COL11A1: variants seen among roughly 807,000 people sequenced by gnomAD.
COL11A1 encodes the protein collagen alpha-1(XI) chain.
Under a neutral mutation model 265.2 loss-of-function variants are expected in COL11A1, and 74 were observed. The observed-to-expected ratio is 0.28, with a 90% CI of 0.23 to 0.34. The LOEUF (loss-of-function observed/expected upper bound fraction) is 0.34. Ranked by LOEUF, COL11A1 falls within the 10% of genes least tolerant of loss-of-function variation. COL11A1 has a pLI of 1.00. For missense variants in COL11A1, 2,165 were observed against 2,263.6 expected (o/e 0.96, Z 0.88); for synonymous variants, 816 against 727.6 (o/e 1.12, Z -1.96).
chr1:102,943,561 C>A (rs774390466), intron 42 of COL11A1, among the ~76,000 whole-genome samples: 11 of 151,884 alleles, frequency 7.2e-5, no homozygotes, highest in Non-Finnish European at 1.6e-4. Context: ...TCCATTAAGA[C>A]TTGAGTCCAG....
chr1:102,982,688 C>T (rs1663153647), intron 31 of COL11A1, among the ~76,000 whole-genome samples: 1 of 151,836 alleles, frequency 6.6e-6, no homozygotes, highest in Admixed American at 6.6e-5. Flanking sequence ...TATATTTATC[C>T]CCTGCTACTC....
rs796988997 is a variant in COL11A1 at position 102,954,118 on chromosome 1, A to C, written c.3169-7162T>G. ...TTTGAACTGAAAAGTGAACATTTACATGCTTTTAAAAGGGAAGAATTTACC... is the reference window on the plus strand; with the variant it reads ...TTTGAACTGAAAAGTGAACATTTACCTGCTTTTAAAAGGGAAGAATTTACC... On this transcript the variant is annotated intron_variant, in intron 41 of 66. Transcript: ENST00000370096. 5.3e-5 allele frequency among the ~76,000 whole-genome samples: 8 copies of C among 152,306 alleles called. 1 individual carries two copies. Among genetic ancestry groups the C allele is most frequent in the African/African-American group, 1.9e-4 (8 of 41,574 alleles).
intron 1 of COL11A1, among the ~76,000 whole-genome samples, chr1:103,094,985 A>G (rs1433474576): frequency 2.6e-5 from 4 of 152,046 alleles, no homozygotes; most frequent in Non-Finnish European, 5.9e-5. Context: ...AGCCATCACC[A>G]TGGCTCTCTT....
At chr1:103,105,536 T>C (rs1674625715) in intron 1 of COL11A1, among the ~76,000 whole-genome samples, 1 of 152,152 alleles carries the variant, frequency 6.6e-6, no homozygotes, top group Non-Finnish European at 1.5e-5. Flanking sequence ...TGAACTCAGA[T>C]GTTTTAAGGT....
At chr1:102,961,951 A>G (rs1362356735) in intron 40 of COL11A1, 32 bp from the exon 41 acceptor site, 1 of 1,591,260 alleles carries the variant, frequency 6.3e-7, no homozygotes, top group Non-Finnish European at 8.6e-7. Context: ...AAGAAAATGA[A>G]TCCATATGAA....
chr1:102,879,547 C>T, intron 66 of COL11A1, 136 bp downstream of exon 66: 3 of 756,378 alleles, frequency 4.0e-6, no homozygotes, highest in South Asian at 3.0e-5. Context: ...CATAGTTTAA[C>T]ATGTCAAGAT....
rs1282718778 is a variant in COL11A1 at position 102,877,855 on chromosome 1, A to T, written c.*164T>A. On this transcript the variant is annotated 3_prime_UTR_variant, in exon 67 of 67. Transcript: ENST00000370096. ...CTTTATGATTTTCAAAGCTTTTGCC[A>T]TGTGATTCTGCCCCCACAAAGGCAT... 3 of 645,668 alleles carry T rather than the reference A, an allele frequency of 4.6e-6. No individual in the cohort carries two copies. The African/African-American group carries it at 5.5e-5, about 12-fold the overall frequency. 40.0% of individuals were successfully genotyped at this position (645,668 alleles called of 1,614,324 possible). A position where few individuals can be genotyped will look rare whatever the true frequency, so the allele number is the denominator to read the frequency against.
rs572363399 is a variant in COL11A1, at chr1:102,952,133, T to C, written c.3169-5177A>G. ...ATTTTTTTTTGAGATGGAGTCTTGCTCTGTCACCAGGCTGAAGTGCAGTGG... is the reference window on the plus strand; with the variant it reads ...ATTTTTTTTTGAGATGGAGTCTTGCCCTGTCACCAGGCTGAAGTGCAGTGG... On this transcript the variant is annotated intron_variant, in intron 41 of 66. Transcript: ENST00000370096. Among the ~76,000 whole-genome samples, 11 of 114,200 alleles carry C rather than the reference T, an allele frequency of 9.6e-5. No individual in the cohort carries two copies. The South Asian group carries it at 3.0e-3, about 31-fold the overall frequency. 74.9% of individuals were successfully genotyped at this position (114,200 alleles called of 152,430 possible). A position where few individuals can be genotyped will look rare whatever the true frequency, so the allele number is the denominator to read the frequency against.
chr1:103,054,796 G>A (rs528585568), intron 4 of COL11A1, among the ~76,000 whole-genome samples: 1 of 152,194 alleles, frequency 6.6e-6, no homozygotes, highest in East Asian at 1.9e-4. Context: ...AGATACTCTG[G>A]ACTATGAGGC....
At chr1:103,043,214 AAT>A (rs199761653) in intron 4 of COL11A1, among the ~76,000 whole-genome samples, 18,621 of 127,820 alleles carry the variant, frequency 0.15, 1,598 homozygotes, top group African/African-American at 0.17. Flanking sequence ...ATATATATGA[AAT>A]ATATATATAA....
intron 4 of COL11A1, among the ~76,000 whole-genome samples, chr1:103,064,494 C>T (rs983852985): frequency 2.0e-5 from 3 of 151,706 alleles, no homozygotes; most frequent in East Asian, 1.9e-4. Flanking sequence ...TCAAGACCAT[C>T]GTGGCTAACA....
intron 4 of COL11A1, among the ~76,000 whole-genome samples, chr1:103,069,879 C>T (rs116065959): frequency 6.6e-6 from 1 of 151,642 alleles, no homozygotes; most frequent in South Asian, 2.1e-4. Flanking sequence ...AGTTAGAATG[C>T]CTAAAATGAA....
chr1:103,062,466 A>AT (rs545580910), intron 4 of COL11A1, among the ~76,000 whole-genome samples: 142 of 152,112 alleles, frequency 9.3e-4, no homozygotes, highest in Middle Eastern at 3.4e-3. Flanking sequence ...GGTATATAAA[A>AT]TAAGTAAATG....
chr1:102,890,944 G>GA lies in COL11A1; in HGVS notation c.4303-441dup, dbSNP rs1029982369. ...GTCAATAGATCTTTGATAACCACAGGAAAAAAAATAGACAAAATTTTAATA... is the reference window on the plus strand; with the variant it reads ...GTCAATAGATCTTTGATAACCACAGGAAAAAAAAATAGACAAAATTTTAATA... On this transcript the variant is annotated intron_variant, in intron 57 of 66. Transcript: ENST00000370096. Among the ~76,000 whole-genome samples, 10 of 151,308 alleles carry GA rather than the reference G, an allele frequency of 6.6e-5. No individual in the cohort carries two copies. In the East Asian group the frequency reaches 1.4e-3, roughly 21 times the overall value.
At chr1:102,882,412 T>G (rs746919524) in intron 64 of COL11A1, among the ~76,000 whole-genome samples, 33 of 152,174 alleles carry the variant, frequency 2.2e-4, no homozygotes, top group Non-Finnish European at 4.6e-4. Context: ...TTTACTGTGC[T>G]TCATTACATG....
In COL11A1 at chr1:102,886,902, T is replaced by C. The variant is rs747648407; in HGVS notation, c.4763A>G (p.Gln1588Arg). Residue 1588 changes from glutamine (Q) to arginine (R), a missense_variant, in exon 63 of 67, where the codon CAA (glutamine) becomes CGA (arginine). By Grantham distance (43) the Gln-to-Arg change is conservative. Transcript: ENST00000370096. ...TGGAAATTTCATATGCTCAATGTCTTGTTTCAGGGAATTGAGGGAACCAAA... is the reference window on the plus strand; with the variant it reads ...TGGAAATTTCATATGCTCAATGTCTCGTTTCAGGGAATTGAGGGAACCAAA... ...EIFGSLNSLK[Q>R]DIEHMKFPMG... 6.2e-6 allele frequency: 10 copies of C among 1,613,900 alleles called. No individual in the cohort carries two copies. Among genetic ancestry groups the C allele is most frequent in the Non-Finnish European group, 8.5e-6 (10 of 1,179,834 alleles).
At chr1:103,056,642 C>T (rs1670272376) in intron 4 of COL11A1, among the ~76,000 whole-genome samples, 1 of 152,104 alleles carries the variant, frequency 6.6e-6, no homozygotes, top group Non-Finnish European at 1.5e-5. Flanking sequence ...AGCATGCCCT[C>T]AGAGTAACCT....
chr1:102,933,485 C>T, intron 46 of COL11A1, among the ~76,000 whole-genome samples: 1 of 151,730 alleles, frequency 6.6e-6, no homozygotes, highest in Non-Finnish European at 1.5e-5. Flanking sequence ...AGAACCACTG[C>T]TCTCTTAAAA....
intron 1 of COL11A1, among the ~76,000 whole-genome samples, chr1:103,097,327 C>T (rs186783837): frequency 1.3e-5 from 2 of 152,054 alleles, no homozygotes; most frequent in African/African-American, 4.8e-5. Context: ...TCCAGACATA[C>T]TGCCATTTTT....
Sources: allele counts gnomAD v4.1 joint callset (sites outside exome capture counted in the v4.1 genomes callset), GRCh38; gene constraint gnomAD v4.1.1; transcripts MANE v1.5; gene names NCBI Gene and HGNC (gene_info 2026-07-23, HGNC 2026-07-21).